The following WDFY2 variants were observed in gnomAD, a reference collection of about 807,000 sequenced individuals.
The protein encoded by WDFY2 is WD repeat and FYVE domain-containing protein 2.
A neutral mutation model predicts 56.4 loss-of-function variants in WDFY2; 36 were observed. The observed-to-expected ratio is 0.64, with a 90% confidence interval of 0.49 to 0.84. The LOEUF (loss-of-function observed/expected upper bound fraction) is 0.84. Ranked by LOEUF, WDFY2 falls within the 40% of genes least tolerant of loss-of-function variation. The pLI is 0.00. For synonymous variants in WDFY2, 176 were observed against 183.7 expected, an observed-to-expected ratio of 0.96 and a Z score of 0.34; for missense variants, 444 against 512.2, an observed-to-expected ratio of 0.87 and a Z score of 1.29.
intron 4 of WDFY2, among the ~76,000 whole-genome samples, chr13:51,712,465 T>C (rs1481239226): frequency 6.6e-6 from 1 of 152,002 alleles, no homozygotes; most frequent in Non-Finnish European, 1.5e-5. Context: ...GAAAACACAA[T>C]ATACCAGAAT....
intron 2 of WDFY2, among the ~76,000 whole-genome samples, chr13:51,669,193 G>GC (rs1470550020): frequency 6.6e-6 from 1 of 151,964 alleles, no homozygotes; most frequent in Non-Finnish European, 1.5e-5. Flanking sequence ...AAATTATATG[G>GC]CCATTAATTT....
At chr13:51,711,890 C>T (rs1454489509) in intron 4 of WDFY2, among the ~76,000 whole-genome samples, 1 of 152,132 alleles carries the variant, frequency 6.6e-6, no homozygotes, top group Non-Finnish European at 1.5e-5. Flanking sequence ...GGCGATTCCT[C>T]AAGGATCTAG....
intron 6 of WDFY2, among the ~76,000 whole-genome samples, chr13:51,735,284 C>T (rs1952810358): frequency 6.6e-6 from 1 of 152,182 alleles, no homozygotes; most frequent in African/African-American, 2.4e-5. Context: ...TACTGAGCAC[C>T]TCCTGCATAC....
At chr13:51,604,069 C>T (rs1954338701) in intron 1 of WDFY2, among the ~76,000 whole-genome samples, 1 of 152,098 alleles carries the variant, frequency 6.6e-6, no homozygotes, top group Admixed American at 6.5e-5. Context: ...TGCTAGAAAT[C>T]AATTTTTGTG....
intron 5 of WDFY2, among the ~76,000 whole-genome samples, chr13:51,726,471 G>A (rs1014418708): frequency 6.6e-6 from 1 of 152,182 alleles, no homozygotes; most frequent in African/African-American, 2.4e-5. Flanking sequence ...TAGAAATAGG[G>A]TTGCTAGGCT....
intron 6 of WDFY2, among the ~76,000 whole-genome samples, chr13:51,729,111 G>A (rs564079299): frequency 1.9e-4 from 29 of 152,130 alleles, no homozygotes; most frequent in Admixed American, 1.9e-3. Context: ...TTCTGTGAAT[G>A]TAAATGTTCT....
intron 1 of WDFY2, 50 bp downstream of exon 1, chr13:51,584,874 GC>G: frequency 6.2e-7 from 1 of 1,603,670 alleles, no homozygotes; most frequent in Non-Finnish European, 8.5e-7. Flanking sequence ...CGGGCCGACG[GC>G]CCTCGAGCCC....
intron 2 of WDFY2, among the ~76,000 whole-genome samples, chr13:51,669,939 A>G (rs1955777766): frequency 1.3e-5 from 2 of 152,204 alleles, no homozygotes; most frequent in African/African-American, 4.8e-5. Context: ...TGCAGTTTTG[A>G]TAGAGGAAGT....
chr13:51,640,720 G>A (rs779273972), intron 1 of WDFY2, among the ~76,000 whole-genome samples: 1 of 151,578 alleles, frequency 6.6e-6, no homozygotes, highest in Non-Finnish European at 1.5e-5. Context: ...TGTGGTGGTG[G>A]GTGCCTGTCA....
At position 51,689,679 on chromosome 13, in the gene WDFY2, G is replaced by C. The variant is rs552993970; in HGVS notation, c.280-13917G>C. The stretch of plus-strand genomic sequence containing the variant: ...AGATTAGGCTCATAGGCATTTGACC[G>C]GAGAGGAAAAAGGCACGTACCCTCT... On this transcript the variant is annotated intron_variant, in intron 3 of 11. Coordinates refer to ENST00000298125, the MANE Select transcript of WDFY2 (RefSeq NM_052950.4). 1.2e-4 allele frequency among the ~76,000 whole-genome samples: 19 copies of C among 152,208 alleles called. 1 individual carries two copies. In the South Asian group the frequency reaches 2.9e-3, roughly 23 times the overall value.
intron 7 of WDFY2, among the ~76,000 whole-genome samples, chr13:51,745,269 T>C (rs1953068051): frequency 1.3e-5 from 2 of 152,112 alleles, no homozygotes; most frequent in African/African-American, 2.4e-5. Context: ...GAAAACCCAA[T>C]TGGCTTTTAA....
At chr13:51,633,970 C>T (rs535784642) in intron 1 of WDFY2, among the ~76,000 whole-genome samples, 4 of 152,106 alleles carry the variant, frequency 2.6e-5, no homozygotes, top group African/African-American at 9.7e-5. Context: ...AGGAGAGAAT[C>T]GTTGTTAAGA....
chr13:51,665,901 G>T (rs1373535268), intron 2 of WDFY2, among the ~76,000 whole-genome samples: 3 of 152,148 alleles, frequency 2.0e-5, no homozygotes, highest in Non-Finnish European at 4.4e-5. Flanking sequence ...TTCAAAGGTA[G>T]TTACAAATAA....
chr13:51,728,764 A>T (rs1952658053), intron 6 of WDFY2, among the ~76,000 whole-genome samples: 1 of 152,220 alleles, frequency 6.6e-6, no homozygotes, highest in South Asian at 2.1e-4. Flanking sequence ...GGAAGAACAC[A>T]TGGAAATATC....
Position 51,751,333 on chromosome 13 carries a change from A to G in WDFY2, c.749A>G (p.Tyr250Cys), listed in dbSNP as rs1267778743. ...AGCGACAGAGTCCAGGCCCTCTCCT[A>G]TGCACAGCACACGCGACAATTGATC... ...GHNDRVQALS[Y>C]AQHTRQLISC... is the part of the protein sequence containing the mutation. Residue 250 changes from tyrosine to cysteine, a missense_variant, in exon 8 of 12, where the codon TAT becomes TGT. Transcript: ENST00000298125. 1 of 1,613,850 alleles carries G rather than the reference A, an allele frequency of 6.2e-7. No individual in the cohort carries two copies.
chr13:51,613,142 G>T (rs1305637974), intron 1 of WDFY2, among the ~76,000 whole-genome samples: 1 of 151,998 alleles, frequency 6.6e-6, no homozygotes, highest in Non-Finnish European at 1.5e-5. Flanking sequence ...AGGCTGTAGT[G>T]TGTGATCATC....
At chr13:51,757,165 CTTAT>C (rs1306535645) in intron 10 of WDFY2, among the ~76,000 whole-genome samples, 1 of 152,156 alleles carries the variant, frequency 6.6e-6, no homozygotes, top group African/African-American at 2.4e-5. Context: ...CATAAGTAGT[CTTAT>C]TTATCCATAT....
intron 3 of WDFY2, among the ~76,000 whole-genome samples, chr13:51,676,827 G>A (rs1955895657): frequency 6.6e-6 from 1 of 152,146 alleles, no homozygotes; most frequent in South Asian, 2.1e-4. Context: ...ATTTTTAAAA[G>A]ATAAAGGGAG....
chr13:51,683,556 T>G (rs1007839062), intron 3 of WDFY2, among the ~76,000 whole-genome samples: 1 of 152,250 alleles, frequency 6.6e-6, no homozygotes, highest in African/African-American at 2.4e-5. Flanking sequence ...CAAGAGTACC[T>G]TGACAACAGC....
Sources: gnomAD v4.1 joint callset for allele counts (sites outside exome capture counted in the v4.1 genomes callset) on GRCh38, gnomAD v4.1.1 for gene constraint, MANE v1.5 for transcripts, NCBI Gene and HGNC (gene_info 2026-07-23, HGNC 2026-07-21) for gene names.